The following LRMDA variants were observed in gnomAD, a reference collection of about 807,000 sequenced individuals.
LRMDA encodes leucine-rich melanocyte differentiation-associated protein.
A neutral mutation model predicts 29.8 loss-of-function variants in LRMDA; 18 were observed. That is an observed-to-expected ratio of 0.60 (90% CI 0.42 to 0.90). The LOEUF (loss-of-function observed/expected upper bound fraction) is 0.90, where lower values mean the gene tolerates loss of function less well. LRMDA is among the 40% of genes least tolerant of loss of function. LRMDA has a pLI of 0.00. For synonymous variants in LRMDA, 125 were observed against 109.4 expected (o/e 1.14, Z -0.89); for missense variants, 273 against 273.9 (o/e 1.00, Z 0.02).
intron 2 of LRMDA, among the ~76,000 whole-genome samples, chr10:75,891,280 C>A (rs1440703067): frequency 6.6e-6 from 1 of 152,164 alleles, no homozygotes; most frequent in Non-Finnish European, 1.5e-5. Flanking sequence ...TGTCTTATAG[C>A]CCCTTGCTAC....
At chr10:75,755,965 A>T (rs1843027346) in intron 2 of LRMDA, among the ~76,000 whole-genome samples, 1 of 152,160 alleles carries the variant, frequency 6.6e-6, no homozygotes, top group South Asian at 2.1e-4. Context: ...GCATGTGGAG[A>T]ATGGATTGTA....
At position 76,129,417 on chromosome 10, in the gene LRMDA, C is replaced by T. The variant is rs536871837; in HGVS notation, c.516+70634C>T. Among the ~76,000 whole-genome samples the T allele has an allele frequency of 1.4e-4, 22 of 152,288 alleles. No individual in the cohort carries two copies. In the South Asian group the frequency reaches 4.6e-3, roughly 32 times the overall value. ...GTGGGTAGAAGACTATTTATAGCTCCCACTGCAAATTGGTTCGGAGACTGA... is the reference window on the plus strand; with the variant it reads ...GTGGGTAGAAGACTATTTATAGCTCTCACTGCAAATTGGTTCGGAGACTGA... On this transcript the variant is annotated intron_variant, in intron 5 of 6. Transcript: ENST00000611255.
chr10:75,897,648 A>G (rs184728753), intron 2 of LRMDA, among the ~76,000 whole-genome samples: 26 of 152,320 alleles, frequency 1.7e-4, no homozygotes, highest in Admixed American at 1.2e-3. Flanking sequence ...CTCAGTGGTT[A>G]CATAGTTCAC....
At chr10:76,457,747 G>C (rs559573095) in intron 6 of LRMDA, among the ~76,000 whole-genome samples, 1 of 152,086 alleles carries the variant, frequency 6.6e-6, no homozygotes, top group South Asian at 2.1e-4. Flanking sequence ...ACAAGGTTAC[G>C]TCTCAATCAG....
At chr10:75,692,223 T>A (rs368853952) in intron 2 of LRMDA, among the ~76,000 whole-genome samples, 1,192 of 20,578 alleles carry the variant, frequency 0.058, 23 homozygotes, top group African/African-American at 0.19. Flanking sequence ...AAAAAAAATA[T>A]ATATATATAT....
intron 2 of LRMDA, among the ~76,000 whole-genome samples, chr10:75,820,884 T>C (rs918899151): frequency 3.3e-5 from 5 of 152,162 alleles, no homozygotes; most frequent in Non-Finnish European, 7.4e-5. Context: ...ATTGTGACCA[T>C]CTGTTTATGT....
chr10:76,087,127 G>C (rs1849148802), intron 5 of LRMDA, among the ~76,000 whole-genome samples: 1 of 152,176 alleles, frequency 6.6e-6, no homozygotes, highest in African/African-American at 2.4e-5. Flanking sequence ...AGATCTGCCT[G>C]GTGGGGCGGG....
At chr10:76,143,174 C>A (rs150774980) in intron 5 of LRMDA, among the ~76,000 whole-genome samples, 2,802 of 152,210 alleles carry the variant, frequency 0.018, 37 homozygotes, top group East Asian at 0.077. Context: ...GTCTTTATAG[C>A]AGCATGATTT....
intron 2 of LRMDA, among the ~76,000 whole-genome samples, chr10:75,722,385 T>G (rs2132188855): frequency 6.6e-6 from 1 of 152,314 alleles, no homozygotes; most frequent in African/African-American, 2.4e-5. Context: ...GTAGGACAGA[T>G]TGTAAATCAA....
chr10:76,235,532 G>T (rs529135731), intron 5 of LRMDA, among the ~76,000 whole-genome samples: 1 of 152,188 alleles, frequency 6.6e-6, no homozygotes, highest in East Asian at 1.9e-4. Flanking sequence ...ACCTGCAGAG[G>T]ATTTCTGGGA....
chr10:76,376,605 A>G (rs1841521543), intron 6 of LRMDA, among the ~76,000 whole-genome samples: 1 of 152,096 alleles, frequency 6.6e-6, no homozygotes, highest in East Asian at 1.9e-4. Context: ...GCTGGATTTA[A>G]TGGTAGTTCT....
intron 5 of LRMDA, among the ~76,000 whole-genome samples, chr10:76,259,445 T>C (rs1039332788): frequency 1.3e-5 from 2 of 152,176 alleles, no homozygotes; most frequent in Admixed American, 1.3e-4. Flanking sequence ...GATATAATTT[T>C]GACTTATCAA....
chr10:76,408,169 G>A (rs1841922155), intron 6 of LRMDA, among the ~76,000 whole-genome samples: 1 of 152,124 alleles, frequency 6.6e-6, no homozygotes, highest in Non-Finnish European at 1.5e-5. Context: ...AGAAGGGTTT[G>A]GAACATACAA....
chr10:75,775,311 A>T (rs1564564908), intron 2 of LRMDA, among the ~76,000 whole-genome samples: 1 of 152,190 alleles, frequency 6.6e-6, no homozygotes, highest in Non-Finnish European at 1.5e-5. Context: ...ACAGCTATTC[A>T]TAGGTGCAAC....
intron 2 of LRMDA, among the ~76,000 whole-genome samples, chr10:75,906,462 A>T (rs538932522): frequency 6.6e-6 from 1 of 152,172 alleles, no homozygotes; most frequent in African/African-American, 2.4e-5. Context: ...CCAGGTATAG[A>T]GCTAACTGTG....
rs143164779 is a variant in LRMDA, at chr10:76,488,452, A to G, written c.602-68757A>G. On this transcript the variant is annotated intron_variant, in intron 6 of 6. Coordinates refer to ENST00000611255, the MANE Select transcript of LRMDA (RefSeq NM_001305581.2). ...TGTACTGTTTTTTCTGGCTTCTTTC[A>G]GTATAATTATTTTGAGATTCAACCA... is the stretch of plus-strand genomic sequence containing the variant. Among the ~76,000 whole-genome samples, 21 of 126,146 alleles carry G rather than the reference A, an allele frequency of 1.7e-4. No individual in the cohort carries two copies. The East Asian group carries it at 4.5e-3, about 27-fold the overall frequency. 82.8% of individuals were successfully genotyped at this position (126,146 alleles called of 152,430 possible).
intron 2 of LRMDA, among the ~76,000 whole-genome samples, chr10:75,870,845 C>G (rs1053970413): frequency 6.6e-6 from 1 of 152,164 alleles, no homozygotes; most frequent in East Asian, 1.9e-4. Context: ...TTCACTGTCT[C>G]CCCAGCTCTG....
chr10:76,159,110 T>C (rs1295704407), intron 5 of LRMDA, among the ~76,000 whole-genome samples: 1 of 152,154 alleles, frequency 6.6e-6, no homozygotes, highest in East Asian at 1.9e-4. Context: ...TAAAAACTGA[T>C]TCGTGTTCTT....
chr10:75,450,270 G>A (rs1337694617), intron 2 of LRMDA: 3 of 152,092 alleles, frequency 2.0e-5, no homozygotes, highest in Non-Finnish European at 4.4e-5. Context: ...TTCGCGTAGA[G>A]TGTTTTTTTA....
Sources: allele counts gnomAD v4.1 joint callset (sites outside exome capture counted in the v4.1 genomes callset), GRCh38; gene constraint gnomAD v4.1.1; transcripts MANE v1.5; gene names NCBI Gene and HGNC (gene_info 2026-07-23, HGNC 2026-07-21).